Variants in EIF4B observed in about 807,000 individuals in gnomAD.
EIF4B encodes eukaryotic translation initiation factor 4B.
EIF4B carries 8 observed loss-of-function variants against 79.3 expected under a neutral mutation model. The ratio of observed to expected loss-of-function variants is 0.10; its 90% CI spans 0.06 to 0.18. The LOEUF (loss-of-function observed/expected upper bound fraction) is 0.18, where lower values mean the gene tolerates loss of function less well. Ranked by LOEUF, EIF4B falls within the 10% of genes least tolerant of loss-of-function variation. The pLI is 1.00. For synonymous variants in EIF4B, 238 were observed against 274.7 expected (o/e 0.87, Z 1.32); for missense variants, 515 against 792.4 (o/e 0.65, Z 4.20).
intron 8 of EIF4B, among the ~76,000 whole-genome samples, chr12:53,028,430 CT>C (rs1246512639): frequency 6.6e-6 from 1 of 151,716 alleles, no homozygotes; most frequent in Non-Finnish European, 1.5e-5. Context: ...TGGCAGACAC[CT>C]GTAGTCCCAG....
At chr12:53,021,672 T>C in intron 4 of EIF4B, 134 bp from the exon 5 acceptor site, 1 of 1,005,138 alleles carries the variant, frequency 9.9e-7, no homozygotes, top group Non-Finnish European at 1.6e-6. Flanking sequence ...CAAATTGGAG[T>C]GTTAGCTAGA....
intron 8 of EIF4B, among the ~76,000 whole-genome samples, chr12:53,029,951 G>A (rs1344652842): frequency 6.6e-6 from 1 of 151,864 alleles, no homozygotes; most frequent in African/African-American, 2.4e-5. Context: ...GCCAGCCATG[G>A]TGGCTCACAT....
At chr12:53,020,115 C>A in intron 4 of EIF4B, 89 bp downstream of exon 4, 1 of 1,073,174 alleles carries the variant, frequency 9.3e-7, no homozygotes. Context: ...GGTTGAGAGG[C>A]TCACTTCAAA....
chr12:53,011,720 C>G (rs549549295), intron 1 of EIF4B, among the ~76,000 whole-genome samples: 1 of 152,184 alleles, frequency 6.6e-6, no homozygotes, highest in Non-Finnish European at 1.5e-5. Context: ...TGTGTTGTCT[C>G]TTGTTTAACG....
At chr12:53,029,288 A>G (rs1227475069) in intron 8 of EIF4B, among the ~76,000 whole-genome samples, 2 of 152,130 alleles carry the variant, frequency 1.3e-5, no homozygotes, top group Admixed American at 6.5e-5. Flanking sequence ...ATACTAATAA[A>G]TGGCCACCAT....
Position 53,038,422 on chromosome 12 carries a change from A to G in EIF4B, c.1576+11A>G. 2 of 1,581,000 alleles carry G rather than the reference A, an allele frequency of 1.3e-6. No individual in the cohort carries two copies. The highest frequency in any genetic ancestry group is 1.7e-6 in the Non-Finnish European group (2 of 1,166,266). ...GACCAGGAAGGAAAGGTGAGCTCAT[A>G]GTATGGGAAATAGGTTTTTCACCTA... On this transcript the variant is annotated intron_variant, in intron 12 of 14. Coordinates refer to ENST00000262056, the MANE Select transcript of EIF4B (RefSeq NM_001417.7).
At chr12:53,019,437 A>ATATATTTTTTTTTCTTTTTTT (rs1943205076) in intron 3 of EIF4B, among the ~76,000 whole-genome samples, 1 of 51,008 alleles carries the variant, frequency 2.0e-5, no homozygotes, top group Non-Finnish European at 3.7e-5. Context: ...ATATATATAT[A>ATATATTTTTTTTTCTTTTTTT]TTTTTTTTTT....
At chr12:53,032,231 C>A (rs923032336) in intron 8 of EIF4B, among the ~76,000 whole-genome samples, 1 of 152,092 alleles carries the variant, frequency 6.6e-6, no homozygotes, top group Admixed American at 6.6e-5. Context: ...CACTTGAGGT[C>A]GGGAGTTCAA....
intron 3 of EIF4B, 48 bp downstream of exon 3, chr12:53,019,054 T>TA (rs1943194296): frequency 6.3e-7 from 1 of 1,579,826 alleles, no homozygotes; most frequent in South Asian, 1.1e-5. Flanking sequence ...GGATAATGTC[T>TA]AAAAAAGACT....
At chr12:53,040,094 T>A in intron 14 of EIF4B, 49 bp from the exon 15 acceptor site, 1 of 1,599,058 alleles carries the variant, frequency 6.3e-7, no homozygotes, top group South Asian at 1.1e-5. Context: ...TGGGTTTTGA[T>A]GTGATAATTC....
At chr12:53,024,585 C>T (rs1211462522) in intron 6 of EIF4B, among the ~76,000 whole-genome samples, 1 of 152,184 alleles carries the variant, frequency 6.6e-6, no homozygotes, top group Admixed American at 6.5e-5. Context: ...ATAATGGTGT[C>T]TTTACTTTTC....
intron 9 of EIF4B, 104 bp from the exon 10 acceptor site, chr12:53,034,508 C>A: frequency 9.9e-7 from 1 of 1,012,506 alleles, no homozygotes; most frequent in Non-Finnish European, 1.5e-6. Flanking sequence ...TATGCATATA[C>A]ACATATAGAT....
chr12:53,040,998 T>C lies in EIF4B; in HGVS notation c.*775T>C, dbSNP rs1287507260. 3 of 152,202 alleles carry C rather than the reference T, an allele frequency of 2.0e-5. No homozygotes were observed. Among genetic ancestry groups the C allele is most frequent in the African/African-American group, 7.2e-5 (3 of 41,458 alleles). 9.4% of individuals were successfully genotyped at this position (152,202 alleles called of 1,614,324 possible). A position where few individuals can be genotyped will look rare whatever the true frequency, so the allele number is the denominator to read the frequency against. The stretch of plus-strand genomic sequence containing the variant: ...GGTTATTTCCTGGAGCCGGAAGCAC[T>C]TGGGGGTCGTGGTAATTCCCAGTGT... On this transcript the variant is annotated 3_prime_UTR_variant, in exon 15 of 15. Transcript: ENST00000262056.
intron 11 of EIF4B, chr12:53,037,858 C>G: frequency 1.8e-6 from 1 of 549,840 alleles, no homozygotes; most frequent in Non-Finnish European, 3.3e-6. Flanking sequence ...CCGCACAAAT[C>G]TGCAAATACT....
intron 1 of EIF4B, among the ~76,000 whole-genome samples, chr12:53,010,832 C>T (rs375114664): frequency 6.6e-5 from 10 of 152,170 alleles, no homozygotes; most frequent in African/African-American, 1.9e-4. Flanking sequence ...CTTGGCCTCC[C>T]GGAGTACTGG....
At chr12:53,028,347 G>A (rs1430833585) in intron 8 of EIF4B, among the ~76,000 whole-genome samples, 159 bp downstream of exon 8, 1 of 152,190 alleles carries the variant, frequency 6.6e-6, no homozygotes, top group African/African-American at 2.4e-5. Context: ...CTGGCCAGGT[G>A]TGGGCAGATC....
rs770937029 is a variant in EIF4B, at chr12:53,013,783, T to TAA, written c.14-2676_14-2675dup. 2.4e-4 allele frequency: 31 copies of TAA among 128,470 alleles called. No individual in the cohort carries two copies. The South Asian group carries it at 3.3e-3, about 13-fold the overall frequency. 8.0% of individuals were successfully genotyped at this position (128,470 alleles called of 1,614,324 possible). On this transcript the variant is annotated intron_variant, in intron 1 of 14. Coordinates refer to ENST00000262056, the MANE Select transcript of EIF4B (RefSeq NM_001417.7). ...GCCTGGACAAGAGTGAGACTCCCTC[T>TAA]AAAAAAAAAAAAAAACCTTTGCATA...
intron 1 of EIF4B, chr12:53,011,984 C>G (rs1158635349): frequency 6.6e-6 from 1 of 152,164 alleles, no homozygotes; most frequent in Non-Finnish European, 1.5e-5. Context: ...CAGTGCTTTA[C>G]TTATAAAGCA....
Position 53,018,820 on chromosome 12 carries a change from C to T in EIF4B, c.174C>T (p.Asn58=), listed in dbSNP as rs773107054. Residue 58 remains asparagine (N), a synonymous_variant, in exon 3 of 15, where the codon AAC becomes AAT. Coordinates refer to ENST00000262056, the MANE Select transcript of EIF4B (RefSeq NM_001417.7). ...EGDVSTTWHS[N]DDDVYRAPPI... The stretch of plus-strand genomic sequence containing the variant: ...TAGTTTCGACCACTTGGCACAGTAA[C>T]GATGACGATGTGTATAGGGCGCCTC... 12 of 1,612,790 alleles carry T rather than the reference C, an allele frequency of 7.4e-6. No individual in the cohort carries two copies. Among genetic ancestry groups the T allele is most frequent in the African/African-American group, 2.7e-5 (2 of 74,842 alleles).
Sources: allele counts gnomAD v4.1 joint callset (sites outside exome capture counted in the v4.1 genomes callset), GRCh38; gene constraint gnomAD v4.1.1; transcripts MANE v1.5; gene names NCBI Gene and HGNC (gene_info 2026-07-23, HGNC 2026-07-21).